SEMA6D: variants seen among roughly 807,000 people sequenced by gnomAD.
SEMA6D encodes semaphorin 6D.
Under a neutral mutation model 106.6 loss-of-function variants are expected in SEMA6D, and 35 were observed. The observed-to-expected ratio is 0.33, with a 90% CI of 0.25 to 0.44. The LOEUF is 0.44. Among genes scored for constraint, SEMA6D ranks in the 20% least tolerant of loss-of-function variants. The pLI is 1.00. For missense variants in SEMA6D, 1,185 were observed against 1,345.9 expected, an observed-to-expected ratio of 0.88 and a Z score of 1.87; for synonymous variants, 499 against 487.7, an observed-to-expected ratio of 1.02 and a Z score of -0.31.
At chr15:47,436,383 T>C (rs2041702151) in intron 2 of SEMA6D, among the ~76,000 whole-genome samples, 1 of 150,388 alleles carries the variant, frequency 6.6e-6, no homozygotes, top group African/African-American at 2.4e-5. Context: ...AAAGTGAAAG[T>C]CTGTCTCACA....
chr15:47,662,197 T>A (rs1421027538), intron 4 of SEMA6D, among the ~76,000 whole-genome samples: 1 of 152,176 alleles, frequency 6.6e-6, no homozygotes, highest in Non-Finnish European at 1.5e-5. Flanking sequence ...GCGGGGTTAC[T>A]GCCACCATCA....
At chr15:47,200,404 C>T (rs1465872749) in intron 1 of SEMA6D, among the ~76,000 whole-genome samples, 2 of 152,092 alleles carry the variant, frequency 1.3e-5, no homozygotes, top group African/African-American at 2.4e-5. Context: ...GGCAACCCTT[C>T]TCTGGGGTCA....
At chr15:47,577,747 C>G (rs1446761459) in intron 3 of SEMA6D, among the ~76,000 whole-genome samples, 2 of 152,184 alleles carry the variant, frequency 1.3e-5, no homozygotes, top group Non-Finnish European at 2.9e-5. Context: ...GTCTGCCGCT[C>G]CAGCTGGCTT....
At chr15:47,733,901 T>C (rs999937943) in intron 1 of SEMA6D, among the ~76,000 whole-genome samples, 1 of 152,116 alleles carries the variant, frequency 6.6e-6, no homozygotes, top group Admixed American at 6.6e-5. Flanking sequence ...CCAAAAAAAG[T>C]ATTTGGATGG....
chr15:47,354,531 T>C (rs1367133664), intron 1 of SEMA6D, among the ~76,000 whole-genome samples: 2 of 148,832 alleles, frequency 1.3e-5, no homozygotes, highest in African/African-American at 2.4e-5. Context: ...TATATATATA[T>C]ACACACATAT....
intron 3 of SEMA6D, among the ~76,000 whole-genome samples, chr15:47,511,527 C>T (rs889587092): frequency 6.6e-5 from 10 of 152,156 alleles, no homozygotes; most frequent in Admixed American, 4.6e-4. Context: ...CCTCCTGCCA[C>T]ATGTGTTAGG....
chr15:47,585,461 T>C (rs1408143527), intron 3 of SEMA6D, among the ~76,000 whole-genome samples: 1 of 152,200 alleles, frequency 6.6e-6, no homozygotes, highest in African/African-American at 2.4e-5. Flanking sequence ...AGCCCCAATA[T>C]GGGAGCCTAT....
intron 17 of SEMA6D, among the ~76,000 whole-genome samples, chr15:47,767,708 A>G (rs1024141809): frequency 2.0e-5 from 3 of 152,120 alleles, no homozygotes; most frequent in Non-Finnish European, 4.4e-5. Context: ...ACCAGTCAGA[A>G]TTGTGGTCTC....
chr15:47,508,997 C>T (rs1308557709), intron 3 of SEMA6D, among the ~76,000 whole-genome samples: 1 of 151,594 alleles, frequency 6.6e-6, no homozygotes, highest in Non-Finnish European at 1.5e-5. Context: ...TTTTTTCAAA[C>T]AGAGCCCCAT....
chr15:47,626,659 T>G (rs2077206965), intron 4 of SEMA6D, among the ~76,000 whole-genome samples: 1 of 152,208 alleles, frequency 6.6e-6, no homozygotes, highest in African/African-American at 2.4e-5. Flanking sequence ...CTTATTTTTA[T>G]GTTTTTCTGT....
At chr15:47,287,422 A>T (rs535530592) in intron 1 of SEMA6D, among the ~76,000 whole-genome samples, 2 of 152,330 alleles carry the variant, frequency 1.3e-5, no homozygotes, top group African/African-American at 4.8e-5. Context: ...TTTGAATGTC[A>T]GAGTCCTAGC....
chr15:47,643,574 T>G (rs1282041231), intron 4 of SEMA6D, among the ~76,000 whole-genome samples: 1 of 152,206 alleles, frequency 6.6e-6, no homozygotes, highest in African/African-American at 2.4e-5. Flanking sequence ...CATTACAAAC[T>G]TCCAAGGAAT....
chr15:47,404,203 A>C (rs8032737), intron 1 of SEMA6D, among the ~76,000 whole-genome samples: 57,256 of 151,680 alleles, frequency 0.38, 11,170 homozygotes, highest in Middle Eastern at 0.54. Context: ...ATACCCTAGC[A>C]AGGAGAACCT....
chr15:47,763,130 T>C, intron 9 of SEMA6D, 26 bp downstream of exon 9: 1 of 1,556,362 alleles, frequency 6.4e-7, no homozygotes, highest in Non-Finnish European at 8.8e-7. Context: ...TGGCTTGAAT[T>C]GTGGACTTGT....
In SEMA6D at chr15:47,391,131, T is replaced by C. The variant is rs542665756; in HGVS notation, c.-238-21262T>C. Among the ~76,000 whole-genome samples, 5 of 152,262 alleles carry C rather than the reference T, an allele frequency of 3.3e-5. No individual in the cohort carries two copies. The South Asian group carries it at 1.0e-3, about 32-fold the overall frequency. On this transcript the variant is annotated intron_variant, in intron 1 of 19. Coordinates refer to the SEMA6D transcript ENST00000558014. ...ATATTTCCTCTTAAGTTGTGAGATA[T>C]TCCAGGTCCTCTACCAGACAGCAGT...
At chr15:47,687,066 CAAAAA>C (rs369941348) in intron 4 of SEMA6D, among the ~76,000 whole-genome samples, 1 of 121,028 alleles carries the variant, frequency 8.3e-6, no homozygotes, top group Non-Finnish European at 1.7e-5. Context: ...ACCCTGTATC[CAAAAA>C]AAAAAAAAAA....
intron 1 of SEMA6D, among the ~76,000 whole-genome samples, chr15:47,755,941 G>A (rs1228536495): frequency 4.0e-5 from 6 of 151,648 alleles, no homozygotes; most frequent in African/African-American, 4.8e-5. Flanking sequence ...CTGAGTATGG[G>A]ACTAAGCTCC....
At chr15:47,489,017 T>C (rs1056410528) in intron 3 of SEMA6D, among the ~76,000 whole-genome samples, 1 of 152,146 alleles carries the variant, frequency 6.6e-6, no homozygotes, top group African/African-American at 2.4e-5. Flanking sequence ...ATGAGCTTAT[T>C]TGGGGGGAAA....
upstream of SEMA6D, among the ~76,000 whole-genome samples, chr15:47,712,952 C>A (rs1270490992): frequency 1.3e-5 from 2 of 152,014 alleles, no homozygotes; most frequent in African/African-American, 4.8e-5. Flanking sequence ...TCAAAAAGTT[C>A]GTTTTGCTTC....
Sources: gnomAD v4.1 joint callset for allele counts (sites outside exome capture counted in the v4.1 genomes callset) on GRCh38, gnomAD v4.1.1 for gene constraint, MANE v1.5 for transcripts, NCBI Gene and HGNC (gene_info 2026-07-23, HGNC 2026-07-21) for gene names.